The following TNIP1 variants were observed in gnomAD, a reference collection of about 807,000 sequenced individuals.
The protein encoded by TNIP1 is TNFAIP3 interacting protein 1.
Under a neutral mutation model 86.6 loss-of-function variants are expected in TNIP1, and 22 were observed. The observed-to-expected ratio is 0.25, with a 90% CI of 0.18 to 0.36. The LOEUF (loss-of-function observed/expected upper bound fraction) is 0.36, where lower values mean the gene tolerates loss of function less well. Among genes scored for constraint, TNIP1 ranks in the 10% least tolerant of loss-of-function variants. The probability of loss-of-function intolerance (pLI) is 1.00; values close to 1 mark genes in which losing one functional copy is unlikely to be tolerated. For synonymous variants in TNIP1, 294 were observed against 313.0 expected (o/e 0.94, Z 0.64); for missense variants, 709 against 820.6 (o/e 0.86, Z 1.66).
Position 151,046,063 on chromosome 5 carries a change from T to C in TNIP1, c.847-113A>G, listed in dbSNP as rs1759124302. 5.7e-6 allele frequency: 5 copies of C among 870,328 alleles called. No individual in the cohort carries two copies. The Admixed American group carries it at 1.0e-4, about 18-fold the overall frequency. The allele number at this position is 870,328 out of a possible 1,614,324, so 53.9% of individuals were successfully genotyped here. A position where few individuals can be genotyped will look rare whatever the true frequency, so the allele number is the denominator to read the frequency against. On this transcript the variant is annotated intron_variant, in intron 8 of 17. Coordinates refer to ENST00000521591, the MANE Select transcript of TNIP1 (RefSeq NM_006058.5). Reference sequence around the variant, plus strand: ...AAGTGGCCCCAGCCCTCTGTCTCCCTATTCCTCCCACCCAGCAGGACACCA... The same window carrying C: ...AAGTGGCCCCAGCCCTCTGTCTCCCCATTCCTCCCACCCAGCAGGACACCA...
intron 1 of TNIP1, among the ~76,000 whole-genome samples, chr5:151,077,477 G>A (rs964438838): frequency 4.6e-5 from 7 of 152,208 alleles, no homozygotes; most frequent in African/African-American, 7.2e-5. Context: ...CTGGTGGCCC[G>A]TGCTGAGTGC....
Position 151,034,696 on chromosome 5 carries a change from G to A in TNIP1, c.1587+306C>T, listed in dbSNP as rs146050327. On this transcript the variant is annotated intron_variant, in intron 15 of 17. Transcript: ENST00000521591. Reference sequence around the variant, plus strand: ...CAAAAGGCTGGTACATGGGCACGGAGGGCTGGAACATGGGCATAGAAAGTT... The same window carrying A: ...CAAAAGGCTGGTACATGGGCACGGAAGGCTGGAACATGGGCATAGAAAGTT... 1.8e-3 allele frequency: 670 copies of A among 382,356 alleles called. 10 individuals are homozygous for A. The East Asian group carries it at 0.02, about 12-fold the overall frequency. 23.7% of individuals were successfully genotyped at this position (382,356 alleles called of 1,614,324 possible). A position where few individuals can be genotyped will look rare whatever the true frequency, so the allele number is the denominator to read the frequency against.
chr5:151,087,018 C>T (rs1422292893), intron 1 of TNIP1: 1 of 152,474 alleles, frequency 6.6e-6, no homozygotes, highest in East Asian at 1.9e-4. Context: ...GTCTGCTTGC[C>T]CCAGCACCCT....
At chr5:151,087,111 GTGTGT>G (rs2113873793) in exon 1 of TNIP1, 1 of 153,128 alleles carries the variant, frequency 6.5e-6, no homozygotes, top group South Asian at 2.1e-4. Flanking sequence ...GAATACGAGG[GTGTGT>G]GCACCAGGGG....
In TNIP1 at chr5:151,065,014, GGC is replaced by G; in HGVS notation, c.80_81del (p.Arg27ProfsTer61). Reference protein sequence around the residue: ...PSGEASAAFERLVKENSRLKE... With the variant: ...PSGEASAAFEXLVKENSRLKE... ...TTCAGCCGGGAATTCTCCTTCACTA[GGC>G]GCTCAAAAGCTGCGGATGCCTCTCC... On this transcript the variant is annotated frameshift_variant, in exon 2 of 18. Coordinates refer to ENST00000521591, the MANE Select transcript of TNIP1 (RefSeq NM_006058.5). LOFTEE classifies it high-confidence loss of function. The G allele has an allele frequency of 1.2e-6, 2 of 1,614,206 alleles. No homozygotes were observed. Among genetic ancestry groups the G allele is most frequent in the Non-Finnish European group, 1.7e-6 (2 of 1,180,040 alleles).
At chr5:151,075,574 G>A (rs536599620) in intron 1 of TNIP1, among the ~76,000 whole-genome samples, 1 of 152,186 alleles carries the variant, frequency 6.6e-6, no homozygotes, top group Non-Finnish European at 1.5e-5. Flanking sequence ...CCACTTATAA[G>A]TGAGAAAATG....
chr5:151,081,808 CTAGA>C (rs530317606), upstream of TNIP1, among the ~76,000 whole-genome samples: 84 of 152,248 alleles, frequency 5.5e-4, 1 homozygote, highest in African/African-American at 1.9e-3. Flanking sequence ...TATATGTGGG[CTAGA>C]TAATCCCAAC....
chr5:151,044,098 T>C (rs1272162161), intron 9 of TNIP1, among the ~76,000 whole-genome samples: 5 of 152,178 alleles, frequency 3.3e-5, no homozygotes. Context: ...AGGCCTAGGC[T>C]GGAGTGCAGT....
upstream of TNIP1, among the ~76,000 whole-genome samples, chr5:151,081,290 G>A (rs1174749128): frequency 6.6e-6 from 1 of 152,054 alleles, no homozygotes; most frequent in African/African-American, 2.4e-5. Flanking sequence ...TCCCAGCGCC[G>A]GAAGCCCCTG....
rs76375406 is a variant in TNIP1 at position 151,034,641 on chromosome 5, G to A, written c.1587+361C>T. On this transcript the variant is annotated intron_variant, in intron 15 of 17. Coordinates refer to ENST00000521591, the MANE Select transcript of TNIP1 (RefSeq NM_006058.5). ...GCTGGTACATGGGCATGGAAGGCTG[G>A]GCATGGGCACAAAAGGCTGGGCATG... The A allele has an allele frequency of 8.9e-3, 2,858 of 319,834 alleles. 89 individuals carry two copies. Among genetic ancestry groups the A allele is most frequent in the African/African-American group, 0.066 (2,700 of 40,678 alleles). The allele number at this position is 319,834 out of a possible 1,614,324, so 19.8% of individuals were successfully genotyped here.
At chr5:151,051,415 T>C (rs1759914985) in intron 7 of TNIP1, among the ~76,000 whole-genome samples, 1 of 152,108 alleles carries the variant, frequency 6.6e-6, no homozygotes, top group Non-Finnish European at 1.5e-5. Flanking sequence ...AGGACCACAG[T>C]GCAGGCAGGA....
chr5:151,048,120 A>G (rs577991880), intron 8 of TNIP1, among the ~76,000 whole-genome samples: 2 of 152,292 alleles, frequency 1.3e-5, no homozygotes, highest in East Asian at 3.9e-4. Context: ...AGGCCTGCCC[A>G]CTTGAAATCT....
upstream of TNIP1, among the ~76,000 whole-genome samples, chr5:151,084,327 C>T (rs1474196020): frequency 6.6e-6 from 1 of 151,882 alleles, no homozygotes; most frequent in South Asian, 2.1e-4. Context: ...CGCCTGTAAT[C>T]CCAGCTACTC....
upstream of TNIP1, chr5:151,087,513 G>C (rs751144845): frequency 3.9e-5 from 6 of 152,266 alleles, no homozygotes; most frequent in Non-Finnish European, 2.9e-5. Flanking sequence ...CGCCTAAGGT[G>C]GGGGATTCCA....
chr5:151,036,569 G>A (rs945584625), intron 13 of TNIP1, among the ~76,000 whole-genome samples: 2 of 152,130 alleles, frequency 1.3e-5, no homozygotes, highest in Admixed American at 6.5e-5. Context: ...GCACGTGTGG[G>A]GCATAGAGAT....
chr5:151,040,371 A>G (rs1265974704), intron 11 of TNIP1, among the ~76,000 whole-genome samples: 1 of 152,230 alleles, frequency 6.6e-6, no homozygotes, highest in Non-Finnish European at 1.5e-5. Flanking sequence ...GTTTTCACCC[A>G]GCCCTGTGTG....
intron 14 of TNIP1, 132 bp from the exon 15 acceptor site, chr5:151,035,199 C>A: frequency 9.5e-7 from 1 of 1,057,626 alleles, no homozygotes; most frequent in South Asian, 1.4e-5. Context: ...GTGGGCCAGC[C>A]CCGGGAAAGG....
chr5:151,064,206 T>C (rs929585481), intron 2 of TNIP1, among the ~76,000 whole-genome samples: 1 of 152,102 alleles, frequency 6.6e-6, no homozygotes, highest in African/African-American at 2.4e-5. Context: ...CAAGTGGAGA[T>C]GGGGAAACCA....
chr5:151,037,731 C>G (rs1757894158), intron 12 of TNIP1, among the ~76,000 whole-genome samples: 1 of 152,180 alleles, frequency 6.6e-6, no homozygotes, highest in Non-Finnish European at 1.5e-5. Flanking sequence ...GACTTTGGCC[C>G]CAGGACAGCA....
Sources: allele counts gnomAD v4.1 joint callset (sites outside exome capture counted in the v4.1 genomes callset), GRCh38; gene constraint gnomAD v4.1.1; transcripts MANE v1.5; gene names NCBI Gene and HGNC (gene_info 2026-07-23, HGNC 2026-07-21).